MYOM2: variants seen among roughly 807,000 people sequenced by gnomAD.
MYOM2 encodes myomesin-2.
Under a neutral mutation model 187.6 loss-of-function variants are expected in MYOM2, and 254 were observed. That is an observed-to-expected ratio of 1.35 (90% CI 1.22 to 1.50). The LOEUF is 1.50. Among genes scored for constraint, MYOM2 ranks in the 40% most tolerant of loss-of-function variants. The pLI is 0.00. For missense variants in MYOM2, 2,796 were observed against 1,924.0 expected, an observed-to-expected ratio of 1.45 and a Z score of -8.48; for synonymous variants, 981 against 753.8, an observed-to-expected ratio of 1.30 and a Z score of -4.94.
At chr8:2,091,924 G>A (rs1281347911) in intron 15 of MYOM2, among the ~76,000 whole-genome samples, 2 of 152,212 alleles carry the variant, frequency 1.3e-5, no homozygotes, top group African/African-American at 4.8e-5. Context: ...GTTAGGTCAT[G>A]ATCGAATTTT....
chr8:2,096,324 A>G lies in MYOM2; in HGVS notation c.2203A>G (p.Lys735Glu), dbSNP rs757677237. Residue 735 changes from lysine (K) to glutamate (E), a missense_variant, in exon 18 of 37, where the codon AAA becomes GAA. Physicochemically the swap from Lys to Glu is moderately conservative, Grantham distance 56 (BLOSUM62 1). Coordinates refer to ENST00000262113, the MANE Select transcript of MYOM2 (RefSeq NM_003970.4). Reference protein sequence around the residue: ...HSMTLGWKVPKFSGGSPILGY... With the variant: ...HSMTLGWKVPEFSGGSPILGY... ...CATGACCCTCGGCTGGAAGGTCCCG[A>G]AATTCAGTGGTGGCTCGCCCATCCT... 8 of 1,614,166 alleles carry G rather than the reference A, an allele frequency of 5.0e-6. No homozygotes were observed. Among genetic ancestry groups the G allele is most frequent in the Non-Finnish European group, 5.9e-6 (7 of 1,180,026 alleles).
intron 10 of MYOM2, among the ~76,000 whole-genome samples, chr8:2,075,652 C>T (rs1819391223): frequency 6.6e-6 from 1 of 152,194 alleles, no homozygotes; most frequent in South Asian, 2.1e-4. Context: ...GCATTAGGGT[C>T]ATCAATAGAC....
chr8:2,076,004 T>C, intron 10 of MYOM2, 137 bp from the exon 11 acceptor site: 1 of 731,430 alleles, frequency 1.4e-6, no homozygotes, highest in Non-Finnish European at 2.1e-6. Flanking sequence ...AGAAATATTC[T>C]AGTACTTTGA....
intron 6 of MYOM2, among the ~76,000 whole-genome samples, chr8:2,064,429 A>G (rs944881460): frequency 3.3e-5 from 5 of 152,172 alleles, no homozygotes; most frequent in Admixed American, 6.5e-5. Flanking sequence ...CGCCTCCTGC[A>G]TGGAGTGGGG....
intron 14 of MYOM2, among the ~76,000 whole-genome samples, chr8:2,086,185 T>A (rs1287387068): frequency 6.2e-5 from 2 of 32,122 alleles, no homozygotes; most frequent in Admixed American, 3.2e-4. Flanking sequence ...GTGGCCCCAC[T>A]GTCATGATCT....
intron 11 of MYOM2, among the ~76,000 whole-genome samples, chr8:2,077,281 G>A (rs1041211731): frequency 9.2e-5 from 14 of 151,982 alleles, no homozygotes; most frequent in Admixed American, 6.6e-5. Flanking sequence ...CTGGACTCCA[G>A]CCTGGCAACA....
chr8:2,140,589 C>G, intron 32 of MYOM2, 134 bp from the exon 33 acceptor site: 1 of 813,444 alleles, frequency 1.2e-6, no homozygotes, highest in Non-Finnish European at 1.9e-6. Context: ...TTCGTAACAG[C>G]CAGAATAATC....
rs980378985 is a variant in MYOM2, at chr8:2,108,812, A to T, written c.3025A>T (p.Asn1009Tyr). Residue 1009 changes from asparagine (N) to tyrosine (Y), a missense_variant, in exon 24 of 37, where the codon AAT (asparagine) becomes TAT (tyrosine). Coordinates refer to ENST00000262113, the MANE Select transcript of MYOM2 (RefSeq NM_003970.4). ...GCTCGAGCGTTTGATGGCATTGAGC[A>T]ATGAAATAAAGAACCCCAGTAAGTA... ...EELERLMALSNEIKNPTIPLK... is the reference protein window; with the variant it reads ...EELERLMALSYEIKNPTIPLK... The T allele has an allele frequency of 1.8e-5, 29 of 1,613,784 alleles. No homozygotes were observed. In the Admixed American group the frequency reaches 3.8e-4, roughly 21 times the overall value.
chr8:2,076,114 G>A (rs112515632), intron 10 of MYOM2, 27 bp from the exon 11 acceptor site: 88 of 1,601,472 alleles, frequency 5.5e-5, no homozygotes, highest in Middle Eastern at 2.2e-4. Context: ...AATGACAGGC[G>A]TGTGCCTTTT....
At chr8:2,065,644 C>G (rs113348689) in intron 6 of MYOM2, among the ~76,000 whole-genome samples, 15 of 152,160 alleles carry the variant, frequency 9.9e-5, no homozygotes, top group African/African-American at 3.4e-4. Context: ...AGTGTTTCTT[C>G]TTATTCTCTA....
In MYOM2 at chr8:2,072,431, A is replaced by C. The variant is rs868801841; in HGVS notation, c.880A>C (p.Thr294Pro). The change falls in exon 9 of 37, where the codon ACG becomes CCG. Residue 294 changes from threonine (T) to proline (P), a missense_variant. Transcript: ENST00000262113. ...FGVTFRREGE[T>P]VTLKCTMLVT... Reference sequence around the variant, plus strand: ...GGTCACCTTCAGGAGGGAAGGCGAGACGGTCACTCTCAAGTGCACCATGCT... The same window carrying C: ...GGTCACCTTCAGGAGGGAAGGCGAGCCGGTCACTCTCAAGTGCACCATGCT... 6.2e-7 allele frequency: 1 copy of C among 1,614,124 alleles called. No homozygotes were observed. The highest frequency in any genetic ancestry group is 2.2e-5 in the East Asian group (1 of 44,860).
chr8:2,100,104 C>CTTT, intron 19 of MYOM2, among the ~76,000 whole-genome samples: 2 of 101,948 alleles, frequency 2.0e-5, no homozygotes, highest in African/African-American at 7.8e-5. Context: ...TTCCTTCCTT[C>CTTT]CTTCTTTCTT....
chr8:2,098,348 C>G (rs1174398649), intron 18 of MYOM2, among the ~76,000 whole-genome samples: 2 of 152,132 alleles, frequency 1.3e-5, no homozygotes, highest in African/African-American at 2.4e-5. Flanking sequence ...TGGCCCCAGA[C>G]TGCAGCACCC....
chr8:2,093,286 G>A (rs747039085), intron 16 of MYOM2, among the ~76,000 whole-genome samples: 5 of 152,138 alleles, frequency 3.3e-5, no homozygotes, highest in South Asian at 2.1e-4. Context: ...CAGAAAGATC[G>A]ATCAGAATAA....
At chr8:2,142,235 A>G in intron 34 of MYOM2, 140 bp from the exon 35 acceptor site, 2 of 858,724 alleles carry the variant, frequency 2.3e-6, no homozygotes, top group Non-Finnish European at 3.9e-6. Context: ...TGACCCGAAC[A>G]TGTTCTTCTA....
chr8:2,111,788 A>G (rs769780687), intron 25 of MYOM2, among the ~76,000 whole-genome samples: 27 of 152,172 alleles, frequency 1.8e-4, no homozygotes, highest in Non-Finnish European at 3.5e-4. Flanking sequence ...GTCTGAGGTC[A>G]TGCCTTCTCA....
intron 18 of MYOM2, chr8:2,098,046 C>A (rs1259454636): frequency 6.6e-6 from 1 of 152,144 alleles, no homozygotes; most frequent in Admixed American, 6.6e-5. Flanking sequence ...AGTGTCTGTC[C>A]TTTTGTCCCT....
intron 1 of MYOM2, 115 bp from the exon 2 acceptor site, chr8:2,050,640 C>A: frequency 1.7e-6 from 1 of 576,102 alleles, no homozygotes; most frequent in Non-Finnish European, 3.1e-6. Context: ...TTTTTCCCTT[C>A]CCAAGGGGGT....
intron 35 of MYOM2, 76 bp downstream of exon 35, chr8:2,142,473 C>A: frequency 1.4e-6 from 2 of 1,427,234 alleles, no homozygotes; most frequent in Non-Finnish European, 2.0e-6. Flanking sequence ...TTTGGAGGAC[C>A]AACTTTGTGT....
Sources: gnomAD v4.1 joint callset for allele counts (sites outside exome capture counted in the v4.1 genomes callset) on GRCh38, gnomAD v4.1.1 for gene constraint, MANE v1.5 for transcripts, NCBI Gene and HGNC (gene_info 2026-07-23, HGNC 2026-07-21) for gene names.